Variants in PLCE1 observed in about 807,000 individuals in gnomAD.
PLCE1 encodes 1-phosphatidylinositol 4,5-bisphosphate phosphodiesterase epsilon-1.
Under a neutral mutation model 242.8 loss-of-function variants are expected in PLCE1, and 119 were observed. The observed-to-expected ratio is 0.49, with a 90% CI of 0.42 to 0.57. The LOEUF is 0.57. PLCE1 is among the 20% of genes least tolerant of loss of function. The pLI is 0.00. For missense variants in PLCE1, 2,441 were observed against 2,788.8 expected (o/e 0.88, Z 2.81); for synonymous variants, 945 against 1,017.4 (o/e 0.93, Z 1.35).
intron 8 of PLCE1, among the ~76,000 whole-genome samples, chr10:94,250,031 A>G (rs2050819384): frequency 6.6e-6 from 1 of 151,404 alleles, no homozygotes; most frequent in African/African-American, 2.4e-5. Flanking sequence ...GTAACAGTGC[A>G]TGGATATTTT....
chr10:93,999,717 C>G (rs2060897445), intron 1 of PLCE1, among the ~76,000 whole-genome samples: 1 of 151,090 alleles, frequency 6.6e-6, no homozygotes, highest in Non-Finnish European at 1.5e-5. Context: ...TCGCTCACCA[C>G]AGACCGCTGG....
chr10:94,315,850 C>T (rs1033549962), intron 28 of PLCE1, among the ~76,000 whole-genome samples: 9 of 151,382 alleles, frequency 5.9e-5, no homozygotes, highest in Non-Finnish European at 1.2e-4. Context: ...ATGATTTATG[C>T]TTCAACCATA....
At chr10:94,250,504 G>GAA (rs112993456) in intron 8 of PLCE1, among the ~76,000 whole-genome samples, 1 of 145,920 alleles carries the variant, frequency 6.9e-6, no homozygotes, top group African/African-American at 2.5e-5. Context: ...CCATCTCCAA[G>GAA]AAAAAAAAAA....
chr10:94,193,492 T>C (rs1026464867), intron 4 of PLCE1, among the ~76,000 whole-genome samples: 1 of 152,216 alleles, frequency 6.6e-6, no homozygotes, highest in Non-Finnish European at 1.5e-5. Flanking sequence ...GTGGTGTACT[T>C]AGTATCTGCT....
chr10:94,056,767 G>T (rs898480919), intron 2 of PLCE1, among the ~76,000 whole-genome samples: 1 of 152,056 alleles, frequency 6.6e-6, no homozygotes, highest in African/African-American at 2.4e-5. Flanking sequence ...TCACACCAAA[G>T]AGAAACTCCA....
intron 14 of PLCE1, among the ~76,000 whole-genome samples, chr10:94,264,512 A>ATTTTTTT (rs59860171): frequency 2.7e-5 from 2 of 73,082 alleles, no homozygotes; most frequent in African/African-American, 5.0e-5. Context: ...ACATGATTTG[A>ATTTTTTT]TTTTTTTTTT....
chr10:94,243,040 G>T (rs1163213735), intron 7 of PLCE1, among the ~76,000 whole-genome samples: 1 of 152,158 alleles, frequency 6.6e-6, no homozygotes, highest in Non-Finnish European at 1.5e-5. Context: ...GTTGGGCATG[G>T]TGACTTTTTC....
chr10:94,012,185 T>C (rs1342017912), intron 1 of PLCE1, among the ~76,000 whole-genome samples: 2 of 152,010 alleles, frequency 1.3e-5, no homozygotes, highest in African/African-American at 4.8e-5. Flanking sequence ...ATTTCTTCCC[T>C]TGATACCTCT....
intron 4 of PLCE1, among the ~76,000 whole-genome samples, chr10:94,207,547 GTGTGTGTA>G (rs1422284824): frequency 2.7e-5 from 4 of 147,894 alleles, no homozygotes; most frequent in African/African-American, 1.0e-4. Context: ...GTGTGTGTGT[GTGTGTGTA>G]TAGACTTTTT....
Position 94,325,110 on chromosome 10 carries a change from G to C in PLCE1, c.*24+6G>C, listed in dbSNP as rs749750056. The C allele has an allele frequency of 6.3e-6, 10 of 1,583,198 alleles. No individual in the cohort carries two copies. In the Admixed American group the frequency reaches 1.7e-4, roughly 26 times the overall value. On this transcript the variant is annotated splice_donor_region_variant and intron_variant, in intron 32 of 32. Transcript: ENST00000371380. ...GGGCAGCATGTTTAACCCAGGTATA[G>C]TAAGTCATTGCACCATCCTGGAACA...
intron 9 of PLCE1, among the ~76,000 whole-genome samples, chr10:94,253,752 C>T (rs560036274): frequency 1.3e-5 from 2 of 152,256 alleles, no homozygotes; most frequent in Admixed American, 1.3e-4. Flanking sequence ...GGATCCACCC[C>T]CATGATCCAA....
chr10:94,262,658 C>T lies in PLCE1; in HGVS notation c.3979C>T (p.Leu1327Phe), dbSNP rs747170266. The change falls in exon 14 of 33, where the codon CTT (leucine) becomes TTT (phenylalanine). Residue 1327 changes from leucine to phenylalanine, a missense_variant. By Grantham distance (22) the Leu-to-Phe change is conservative. This residue lies in a region of PLCE1 where 1,004 missense variants were observed against 1,322.7 expected (regional missense o/e 0.76). Transcript: ENST00000371380. ...TCTGGGCATTTTTGGGGTGGGCATA[C>T]TTCAGCTCAACGATTTCCTCGTGAA... ...TSLGIFGVGI[L>F]QLNDFLVNCQ... The T allele has an allele frequency of 6.2e-7, 1 of 1,614,112 alleles. No individual in the cohort carries two copies. Among genetic ancestry groups the T allele is most frequent in the Non-Finnish European group, 8.5e-7 (1 of 1,179,996 alleles).
At chr10:94,205,008 T>C (rs1367103076) in intron 4 of PLCE1, among the ~76,000 whole-genome samples, 3 of 152,232 alleles carry the variant, frequency 2.0e-5, no homozygotes, top group Non-Finnish European at 4.4e-5. Context: ...ACAGTCTTAC[T>C]TGGCGTAAGG....
chr10:94,266,072 A>G, intron 16 of PLCE1, 114 bp downstream of exon 16: 1 of 925,586 alleles, frequency 1.1e-6, no homozygotes, highest in Non-Finnish European at 1.7e-6. Flanking sequence ...AGAGTAAGCT[A>G]TTACATGTCA....
intron 3 of PLCE1, among the ~76,000 whole-genome samples, chr10:94,136,550 C>T (rs1297360858): frequency 2.0e-5 from 3 of 152,138 alleles, no homozygotes; most frequent in Admixed American, 1.3e-4. Flanking sequence ...GTCGTGGTCA[C>T]CTGTACTAGG....
intron 2 of PLCE1, among the ~76,000 whole-genome samples, chr10:94,128,798 T>C (rs2046511313): frequency 6.6e-6 from 1 of 152,182 alleles, no homozygotes; most frequent in South Asian, 2.1e-4. Flanking sequence ...ACACATATAC[T>C]AATGGTGACC....
intron 3 of PLCE1, among the ~76,000 whole-genome samples, chr10:94,149,996 A>G (rs1298280718): frequency 6.6e-6 from 1 of 152,214 alleles, no homozygotes; most frequent in African/African-American, 2.4e-5. Flanking sequence ...ATAACTGGCC[A>G]GTAAGTAATT....
intron 4 of PLCE1, among the ~76,000 whole-genome samples, chr10:94,213,548 T>G (rs1398975030): frequency 6.6e-6 from 1 of 152,200 alleles, no homozygotes; most frequent in Non-Finnish European, 1.5e-5. Context: ...CTCTTCCTCT[T>G]CTGCTTCCCA....
chr10:94,173,945 C>T (rs1426720294), intron 4 of PLCE1, among the ~76,000 whole-genome samples: 9 of 152,078 alleles, frequency 5.9e-5, no homozygotes, highest in Non-Finnish European at 1.0e-4. Flanking sequence ...CTTTTGTATA[C>T]CTTAAAGTAG....
Sources: allele counts gnomAD v4.1 joint callset (sites outside exome capture counted in the v4.1 genomes callset), GRCh38; gene constraint gnomAD v4.1.1; regional missense constraint gnomAD v4.1.1; transcripts MANE v1.5; gene names NCBI Gene and HGNC (gene_info 2026-07-23, HGNC 2026-07-21).